Variants in MERTK observed in about 807,000 individuals in gnomAD.
MERTK encodes tyrosine-protein kinase Mer.
Under a neutral mutation model 99.3 loss-of-function variants are expected in MERTK, and 69 were observed. The observed-to-expected ratio is 0.70, with a 90% confidence interval of 0.57 to 0.85. The LOEUF is 0.85. Ranked by LOEUF, MERTK falls within the 40% of genes least tolerant of loss-of-function variation. The probability of loss-of-function intolerance (pLI) is 0.00; values close to 1 mark genes in which losing one functional copy is unlikely to be tolerated. For missense variants in MERTK, 1,125 were observed against 1,249.4 expected, an observed-to-expected ratio of 0.90 and a Z score of 1.50; for synonymous variants, 426 against 467.6, an observed-to-expected ratio of 0.91 and a Z score of 1.15.
intron 18 of MERTK, 188 bp downstream of exon 18, chr2:112,022,582 G>A: frequency 1.1e-6 from 1 of 895,260 alleles, no homozygotes. Flanking sequence ...ATAGTGTGTG[G>A]TATCTCCAGT....
At chr2:111,917,057 C>T (rs1684364242) in intron 1 of MERTK, among the ~76,000 whole-genome samples, 2 of 152,168 alleles carry the variant, frequency 1.3e-5, no homozygotes, top group Admixed American at 1.3e-4. Flanking sequence ...CACCTGGCCT[C>T]CCCAAACACT....
chr2:111,973,094 C>A (rs969371389), intron 6 of MERTK, among the ~76,000 whole-genome samples: 3 of 152,138 alleles, frequency 2.0e-5, no homozygotes, highest in African/African-American at 7.2e-5. Context: ...TTTAGCTCTC[C>A]CATGTACTTC....
At chr2:111,922,176 C>T (rs889860889) in intron 1 of MERTK, among the ~76,000 whole-genome samples, 6 of 152,212 alleles carry the variant, frequency 3.9e-5, no homozygotes, top group Non-Finnish European at 7.3e-5. Context: ...CCCTGCTCAA[C>T]CCTCTTCCCA....
chr2:111,975,478 T>A lies in MERTK; in HGVS notation c.1144+6T>A, dbSNP rs1323463135. 2 of 1,613,894 alleles carry A rather than the reference T, an allele frequency of 1.2e-6. No individual in the cohort carries two copies. The highest frequency in any genetic ancestry group is 3.3e-5 in the Admixed American group (2 of 60,028). ...AGCCAGCACGACTGAAGGAGGTAAT[T>A]CCTGGGGTTCAGAATGTATATTGCC... On this transcript the variant is annotated splice_donor_region_variant and intron_variant, in intron 7 of 18. Coordinates refer to ENST00000295408, the MANE Select transcript of MERTK (RefSeq NM_006343.3).
chr2:112,015,832 G>A, intron 15 of MERTK: 1 of 154,248 alleles, frequency 6.5e-6, no homozygotes, highest in East Asian at 1.9e-4. Flanking sequence ...CCAATTCTGA[G>A]TTATTTTTTG....
At chr2:111,929,033 T>C (rs1246841904) in intron 1 of MERTK, 87 bp from the exon 2 acceptor site, 4 of 1,398,260 alleles carry the variant, frequency 2.9e-6, no homozygotes, top group Non-Finnish European at 4.0e-6. Flanking sequence ...ACCCCAGTGC[T>C]CTCTCTTCTT....
chr2:111,926,360 G>C (rs922078718), intron 1 of MERTK, among the ~76,000 whole-genome samples: 6 of 152,196 alleles, frequency 3.9e-5, no homozygotes, highest in Non-Finnish European at 7.3e-5. Context: ...GTCCTCTGTA[G>C]CTCAGTGAAT....
At chr2:111,922,287 A>T (rs1684474228) in intron 1 of MERTK, among the ~76,000 whole-genome samples, 1 of 152,118 alleles carries the variant, frequency 6.6e-6, no homozygotes, top group South Asian at 2.1e-4. Context: ...TTCTTTAGTC[A>T]CCTCGGTGAT....
At chr2:112,023,588 A>G (rs1413467716) in intron 18 of MERTK, among the ~76,000 whole-genome samples, 1 of 152,092 alleles carries the variant, frequency 6.6e-6, no homozygotes, top group Non-Finnish European at 1.5e-5. Context: ...CTCGGAGTCA[A>G]TAGGCCACGC....
Position 112,001,181 on chromosome 2 carries a change from CTTTG to C in MERTK, c.1605-16_1605-13del. 1 of 1,587,872 alleles carries C rather than the reference CTTTG, an allele frequency of 6.3e-7. No individual in the cohort carries two copies. The highest frequency in any genetic ancestry group is 8.6e-7 in the Non-Finnish European group (1 of 1,156,262). ...TAGCCCTGTTTTTATAGTGAAGTAT[CTTTG>C]TTTTCATTCACCCAGGAATGCATTC... On this transcript the variant is annotated splice_polypyrimidine_tract_variant and intron_variant, in intron 10 of 18. Coordinates refer to ENST00000295408, the MANE Select transcript of MERTK (RefSeq NM_006343.3).
chr2:111,912,776 C>T (rs1423632957), intron 1 of MERTK, among the ~76,000 whole-genome samples: 1 of 152,136 alleles, frequency 6.6e-6, no homozygotes, highest in Non-Finnish European at 1.5e-5. Context: ...CCATCCTCAC[C>T]CTTGGCTGTC....
intron 2 of MERTK, chr2:111,940,872 G>T: frequency 1.3e-6 from 1 of 752,164 alleles, no homozygotes; most frequent in Non-Finnish European, 2.5e-6. Context: ...ACTCGGGCCA[G>T]TCACTGCTGT....
At chr2:111,964,039 C>CTTACTTTTTTTTTT in intron 4 of MERTK, among the ~76,000 whole-genome samples, 1 of 40,482 alleles carries the variant, frequency 2.5e-5, no homozygotes, top group South Asian at 7.8e-4. Context: ...CAAAAATTTT[C>CTTACTTTTTTTTTT]TTTCTTTTTT....
At chr2:111,931,793 C>T (rs1277420002) in intron 2 of MERTK, among the ~76,000 whole-genome samples, 1 of 152,154 alleles carries the variant, frequency 6.6e-6, no homozygotes, top group Non-Finnish European at 1.5e-5. Flanking sequence ...GGAGCATAGC[C>T]CTACCTTGCT....
intron 2 of MERTK, among the ~76,000 whole-genome samples, chr2:111,941,407 G>A (rs72823502): frequency 0.021 from 3,257 of 152,236 alleles, 58 homozygotes; most frequent in Middle Eastern, 0.068. Context: ...CTGCCCAGCC[G>A]GGGGCCCGGT....
intron 12 of MERTK, 86 bp from the exon 13 acceptor site, chr2:112,003,818 G>T: frequency 7.9e-7 from 1 of 1,259,528 alleles, no homozygotes; most frequent in Non-Finnish European, 1.2e-6. Context: ...CATACCACAT[G>T]AAACCAGCAG....
intron 8 of MERTK, among the ~76,000 whole-genome samples, chr2:111,988,638 G>A (rs1647625664): frequency 6.6e-6 from 1 of 152,190 alleles, no homozygotes; most frequent in African/African-American, 2.4e-5. Flanking sequence ...TTTACATAAA[G>A]GAACTCATTT....
intron 1 of MERTK, among the ~76,000 whole-genome samples, chr2:111,917,447 T>A (rs1294248512): frequency 6.6e-6 from 1 of 152,208 alleles, no homozygotes. Flanking sequence ...TCTGTCTGGC[T>A]GGGCTGCCCC....
chr2:111,927,228 C>T (rs1024951753), intron 1 of MERTK, among the ~76,000 whole-genome samples: 2 of 152,178 alleles, frequency 1.3e-5, no homozygotes, highest in Non-Finnish European at 2.9e-5. Context: ...AGAGTTGGCC[C>T]CCAACATCAA....
Sources: gnomAD v4.1 joint callset for allele counts (sites outside exome capture counted in the v4.1 genomes callset) on GRCh38, gnomAD v4.1.1 for gene constraint, MANE v1.5 for transcripts, NCBI Gene and HGNC (gene_info 2026-07-23, HGNC 2026-07-21) for gene names.